The following NANOS1 variants were observed in gnomAD, a reference collection of about 807,000 sequenced individuals.
NANOS1 encodes the protein nanos homolog 1.
A neutral mutation model predicts 1.1 loss-of-function variants in NANOS1; 1 was observed. The ratio of observed to expected loss-of-function variants is 0.88; its 90% CI spans 0.31 to 4.20. NANOS1 has a LOEUF of 4.20. Among genes scored for constraint, NANOS1 ranks in the 30% most tolerant of loss-of-function variants. NANOS1 has a pLI of 0.17. For missense variants in NANOS1, 537 were observed against 457.9 expected, an observed-to-expected ratio of 1.17 and a Z score of -1.58; for synonymous variants, 252 against 230.6, an observed-to-expected ratio of 1.09 and a Z score of -0.84.
rs1848016036 is a variant in NANOS1 at position 119,029,968 on chromosome 10, C to A, written c.167C>A (p.Ala56Glu). The A allele has an allele frequency of 2.1e-6, 3 of 1,419,194 alleles. No homozygotes were observed. The highest frequency in any genetic ancestry group is 3.0e-5 in the African/African-American group (2 of 67,272). The allele number at this position is 1,419,194 out of a possible 1,614,324, so 87.9% of individuals were successfully genotyped here. The change falls in exon 1 of 1, where the codon GCG (alanine) becomes GAG (glutamate). Residue 56 changes from alanine to glutamate, a missense_variant. Physicochemically the swap from Ala to Glu is moderately radical, Grantham distance 107 (BLOSUM62 -1). Transcript: ENST00000425699. ...YLGLATLITK[A>E]VDGEPRFGCA... ...GGGCTCGCCACGCTCATCACCAAAG[C>A]GGTGGACGGCGAGCCGCGCTTCGGC...
At position 119,031,024 on chromosome 10, in the gene NANOS1, C is replaced by G. The variant is rs954518128; in HGVS notation, c.*344C>G. The G allele has an allele frequency of 1.2e-4, 30 of 244,100 alleles. No individual in the cohort carries two copies. The highest frequency in any genetic ancestry group is 6.3e-4 in the African/African-American group (28 of 44,098). 15.1% of individuals were successfully genotyped at this position (244,100 alleles called of 1,614,324 possible). ...TAGATGCGCATCAGTATGAAATTGTCTCAATCTTGGATGTTTCATTTTATG... is the reference window on the plus strand; with the variant it reads ...TAGATGCGCATCAGTATGAAATTGTGTCAATCTTGGATGTTTCATTTTATG... On this transcript the variant is annotated 3_prime_UTR_variant, in exon 1 of 1. Coordinates refer to ENST00000425699, the MANE Select transcript of NANOS1 (RefSeq NM_199461.4).
rs1178858342 is a variant in NANOS1, at chr10:119,030,000, C to G, written c.199C>G (p.Arg67Gly). The stretch of plus-strand genomic sequence containing the variant: ...CGGCGAGCCGCGCTTCGGCTGCGCC[C>G]GCGGTGGGAACGGCGGCGGCGGCTC... The part of the protein sequence containing the change: ...VDGEPRFGCA[R>G]GGNGGGGSPP... Residue 67 changes from arginine (R) to glycine (G), a missense_variant, in exon 1 of 1, where the codon CGC (arginine) becomes GGC (glycine). Coordinates refer to ENST00000425699, the MANE Select transcript of NANOS1 (RefSeq NM_199461.4). 2.1e-6 allele frequency: 3 copies of G among 1,414,072 alleles called. No individual in the cohort carries two copies. The highest frequency in any genetic ancestry group is 2.8e-6 in the Non-Finnish European group (3 of 1,084,502). The allele number at this position is 1,414,072 out of a possible 1,614,324, so 87.6% of individuals were successfully genotyped here.
Position 119,032,235 on chromosome 10 carries a change from C to A in NANOS1, c.*1555C>A, listed in dbSNP as rs930680367. 1 of 166,634 alleles carries A rather than the reference C, an allele frequency of 6.0e-6. No individual in the cohort carries two copies. Among genetic ancestry groups the A allele is most frequent in the Non-Finnish European group, 1.5e-5 (1 of 68,012 alleles). 10.3% of individuals were successfully genotyped at this position (166,634 alleles called of 1,614,324 possible). A position where few individuals can be genotyped will look rare whatever the true frequency, so the allele number is the denominator to read the frequency against. ...CACAGCAAATTGACTCAATCAGGAACCTTCATTTGAAGGTGTGTTAGAGGA... is the reference window on the plus strand; with the variant it reads ...CACAGCAAATTGACTCAATCAGGAAACTTCATTTGAAGGTGTGTTAGAGGA... On this transcript the variant is annotated 3_prime_UTR_variant, in exon 1 of 1. Transcript: ENST00000425699.
In NANOS1 at chr10:119,033,511, C is replaced by A. The variant is rs1013587126; in HGVS notation, c.*2831C>A. On this transcript the variant is annotated 3_prime_UTR_variant, in exon 1 of 1. Coordinates refer to ENST00000425699, the MANE Select transcript of NANOS1 (RefSeq NM_199461.4). Reference sequence around the variant, plus strand: ...GTAGCAAAACAATACAGGGAAGAGTCAAAAGGGCTTCTCCAACTGTAGAGG... The same window carrying A: ...GTAGCAAAACAATACAGGGAAGAGTAAAAAGGGCTTCTCCAACTGTAGAGG... 3 of 167,062 alleles carry A rather than the reference C, an allele frequency of 1.8e-5. No individual in the cohort carries two copies. Among genetic ancestry groups the A allele is most frequent in the Non-Finnish European group, 2.9e-5 (2 of 68,118 alleles). The allele number at this position is 167,062 out of a possible 1,614,324, so 10.3% of individuals were successfully genotyped here.
rs745802261 is a variant in NANOS1, at chr10:119,030,544, C to T, written c.743C>T (p.Thr248Met). 3 of 1,529,628 alleles carry T rather than the reference C, an allele frequency of 2.0e-6. No individual in the cohort carries two copies. The highest frequency in any genetic ancestry group is 1.4e-5 in the African/African-American group (1 of 70,310). 94.8% of individuals were successfully genotyped at this position (1,529,628 alleles called of 1,614,324 possible). A position where few individuals can be genotyped will look rare whatever the true frequency, so the allele number is the denominator to read the frequency against. ...RVLCPVLRRYTCPLCGASGDN... is the reference protein window; with the variant it reads ...RVLCPVLRRYMCPLCGASGDN... Reference sequence around the variant, plus strand: ...CTGTGTCCCGTGCTGCGCCGCTACACGTGTCCCCTGTGCGGCGCCAGCGGC... The same window carrying T: ...CTGTGTCCCGTGCTGCGCCGCTACATGTGTCCCCTGTGCGGCGCCAGCGGC... The change falls in exon 1 of 1, where the codon ACG (threonine) becomes ATG (methionine). Residue 248 changes from threonine to methionine, a missense_variant. Thr to Met is a moderately conservative substitution (Grantham distance 81). Transcript: ENST00000425699. The surrounding 1 kb of genome is among the most constrained non-coding windows in gnomAD (Gnocchi z 5.3).
Position 119,030,056 on chromosome 10 carries a change from C to T in NANOS1, c.255C>T (p.Cys85=). ...CCTCCTCCTCCTCGTCGTCCTGCTG[C>T]TCCCCCCACACGGGGGCCGGGCCTG... ...SPPSSSSSSC[C]SPHTGAGPGA... Residue 85 remains cysteine, a synonymous_variant, in exon 1 of 1, where the codon TGC becomes TGT. Coordinates refer to ENST00000425699, the MANE Select transcript of NANOS1 (RefSeq NM_199461.4). This position sits in a 1 kb window ranked among gnomAD's most constrained non-coding sequence, Gnocchi z 5.3. The T allele has an allele frequency of 3.0e-6, 4 of 1,344,188 alleles. No homozygotes were observed. Among genetic ancestry groups the T allele is most frequent in the Non-Finnish European group, 3.8e-6 (4 of 1,049,262 alleles). The allele number at this position is 1,344,188 out of a possible 1,614,324, so 83.3% of individuals were successfully genotyped here.
In NANOS1 at chr10:119,033,319, T is replaced by TA. The variant is rs1261273571; in HGVS notation, c.*2640dup. ...TATAGTTAATTTTCTAGGGTTCTCT[T>TA]ATGAAAAGTATATGTAAACACATTC... is the stretch of plus-strand genomic sequence containing the variant. On this transcript the variant is annotated 3_prime_UTR_variant, in exon 1 of 1. Transcript: ENST00000425699. 1.2e-5 allele frequency: 2 copies of TA among 167,122 alleles called. No individual in the cohort carries two copies. Among genetic ancestry groups the TA allele is most frequent in the African/African-American group, 4.8e-5 (2 of 41,466 alleles). 10.4% of individuals were successfully genotyped at this position (167,122 alleles called of 1,614,324 possible). A position where few individuals can be genotyped will look rare whatever the true frequency, so the allele number is the denominator to read the frequency against.
In NANOS1 at chr10:119,030,036, T is replaced by C. The variant is rs79170274; in HGVS notation, c.235T>C (p.Ser79Pro). 7.3e-7 allele frequency: 1 copy of C among 1,374,922 alleles called. No individual in the cohort carries two copies. The highest frequency in any genetic ancestry group is 3.0e-5 in the Admixed American group (1 of 33,258). 85.2% of individuals were successfully genotyped at this position (1,374,922 alleles called of 1,614,324 possible). Residue 79 changes from serine to proline, a missense_variant, in exon 1 of 1, where the codon TCC becomes CCC. Coordinates refer to ENST00000425699, the MANE Select transcript of NANOS1 (RefSeq NM_199461.4). This position sits in a 1 kb window ranked among gnomAD's most constrained non-coding sequence, Gnocchi z 5.3. The stretch of plus-strand genomic sequence containing the variant: ...CGGCGGCGGCGGCTCCCCGCCCTCC[T>C]CCTCCTCGTCGTCCTGCTGCTCCCC... ...GNGGGGSPPS[S>P]SSSSCCSPHT...
chr10:119,030,770 C>T lies in NANOS1; in HGVS notation c.*90C>T. ...CTCGCCCCCGCCGTGGGGAGGCGTG[C>T]GGCTCAGCGGTCGGCTCGACATGGG... is the stretch of plus-strand genomic sequence containing the variant. On this transcript the variant is annotated 3_prime_UTR_variant, in exon 1 of 1. Transcript: ENST00000425699. This position sits in a 1 kb window ranked among gnomAD's most constrained non-coding sequence, Gnocchi z 5.3. 2 of 1,236,738 alleles carry T rather than the reference C, an allele frequency of 1.6e-6. No homozygotes were observed. Among genetic ancestry groups the T allele is most frequent in the Non-Finnish European group, 2.0e-6 (2 of 983,934 alleles). 76.6% of individuals were successfully genotyped at this position (1,236,738 alleles called of 1,614,324 possible). A position where few individuals can be genotyped will look rare whatever the true frequency, so the allele number is the denominator to read the frequency against.
rs924401972 is a variant in NANOS1 at position 119,029,973 on chromosome 10, G to A, written c.172G>A (p.Asp58Asn). Residue 58 changes from aspartate to asparagine, a missense_variant, in exon 1 of 1, where the codon GAC (aspartate) becomes AAC (asparagine). Physicochemically the swap from Asp to Asn is conservative, Grantham distance 23. Coordinates refer to ENST00000425699, the MANE Select transcript of NANOS1 (RefSeq NM_199461.4). ...CGCCACGCTCATCACCAAAGCGGTGGACGGCGAGCCGCGCTTCGGCTGCGC... is the reference window on the plus strand; with the variant it reads ...CGCCACGCTCATCACCAAAGCGGTGAACGGCGAGCCGCGCTTCGGCTGCGC... ...GLATLITKAVDGEPRFGCARG... is the reference protein window; with the variant it reads ...GLATLITKAVNGEPRFGCARG... 4 of 1,417,472 alleles carry A rather than the reference G, an allele frequency of 2.8e-6. No individual in the cohort carries two copies. Among genetic ancestry groups the A allele is most frequent in the African/African-American group, 3.0e-5 (2 of 67,312 alleles). The allele number at this position is 1,417,472 out of a possible 1,614,324, so 87.8% of individuals were successfully genotyped here.
rs1190531757 is a variant in NANOS1 at position 119,032,945 on chromosome 10, G to C, written c.*2265G>C. 6.0e-6 allele frequency: 1 copy of C among 167,158 alleles called. No homozygotes were observed. Among genetic ancestry groups the C allele is most frequent in the Non-Finnish European group, 1.5e-5 (1 of 68,206 alleles). 10.4% of individuals were successfully genotyped at this position (167,158 alleles called of 1,614,324 possible). Reference sequence around the variant, plus strand: ...AGGCCGGGTGTGGTGGCTCATGCCTGTAATCCCAGCACTTTGGGAGGCGAG... The same window carrying C: ...AGGCCGGGTGTGGTGGCTCATGCCTCTAATCCCAGCACTTTGGGAGGCGAG... On this transcript the variant is annotated 3_prime_UTR_variant, in exon 1 of 1. Transcript: ENST00000425699.
chr10:119,029,737 G>T lies in NANOS1; in HGVS notation c.-65G>T. 1 of 892,946 alleles carries T rather than the reference G, an allele frequency of 1.1e-6. No individual in the cohort carries two copies. The allele number at this position is 892,946 out of a possible 1,614,324, so 55.3% of individuals were successfully genotyped here. A position where few individuals can be genotyped will look rare whatever the true frequency, so the allele number is the denominator to read the frequency against. ...CCGCGGCAGGCCGGCGGGCAGGCTC[G>T]GCGTGTCCCTTCCGTCCGGCCCGCG... On this transcript the variant is annotated 5_prime_UTR_variant, in exon 1 of 1. Transcript: ENST00000425699.
At position 119,031,986 on chromosome 10, in the gene NANOS1, T is replaced by C. The variant is rs1159509438; in HGVS notation, c.*1306T>C. Reference sequence around the variant, plus strand: ...TTACCCTCCCACCCTCACTTTTAAATCCACCATACTGAATGCCACACTATG... The same window carrying C: ...TTACCCTCCCACCCTCACTTTTAAACCCACCATACTGAATGCCACACTATG... On this transcript the variant is annotated 3_prime_UTR_variant, in exon 1 of 1. Transcript: ENST00000425699. 1 of 167,010 alleles carries C rather than the reference T, an allele frequency of 6.0e-6. No homozygotes were observed. Among genetic ancestry groups the C allele is most frequent in the Non-Finnish European group, 1.5e-5 (1 of 68,120 alleles). 10.3% of individuals were successfully genotyped at this position (167,010 alleles called of 1,614,324 possible).
Position 119,030,833 on chromosome 10 carries a change from G to T in NANOS1, c.*153G>T, listed in dbSNP as rs757154450. On this transcript the variant is annotated 3_prime_UTR_variant, in exon 1 of 1. Transcript: ENST00000425699. The surrounding 1 kb of genome is among the most constrained non-coding windows in gnomAD (Gnocchi z 5.3). ...TGGTTTTTGAAAAGCAGCCGACCGTGTGGAGTACTTCCGTGCTGAACGATT... is the reference window on the plus strand; with the variant it reads ...TGGTTTTTGAAAAGCAGCCGACCGTTTGGAGTACTTCCGTGCTGAACGATT... The T allele has an allele frequency of 2.8e-6, 3 of 1,066,512 alleles. No homozygotes were observed. Among genetic ancestry groups the T allele is most frequent in the East Asian group, 3.6e-5 (1 of 27,818 alleles). 66.1% of individuals were successfully genotyped at this position (1,066,512 alleles called of 1,614,324 possible). A position where few individuals can be genotyped will look rare whatever the true frequency, so the allele number is the denominator to read the frequency against.
In NANOS1 at chr10:119,030,041, C is replaced by T. The variant is rs1280648109; in HGVS notation, c.240C>T (p.Ser80=). The T allele has an allele frequency of 1.2e-5, 16 of 1,359,058 alleles. No homozygotes were observed. The highest frequency in any genetic ancestry group is 4.5e-5 in the African/African-American group (3 of 66,152). 84.2% of individuals were successfully genotyped at this position (1,359,058 alleles called of 1,614,324 possible). ...NGGGGSPPSS[S]SSSCCSPHTG... is the part of the protein sequence containing the mutation. ...GCGGCGGCTCCCCGCCCTCCTCCTC[C>T]TCGTCGTCCTGCTGCTCCCCCCACA... Residue 80 remains serine, a synonymous_variant, in exon 1 of 1, where the codon TCC becomes TCT. Transcript: ENST00000425699. This position sits in a 1 kb window ranked among gnomAD's most constrained non-coding sequence, Gnocchi z 5.3.
chr10:119,030,573 A>G lies in NANOS1; in HGVS notation c.772A>G (p.Asn258Asp). Residue 258 changes from asparagine (N) to aspartate (D), a missense_variant, in exon 1 of 1, where the codon AAC becomes GAC. By Grantham distance (23) the Asn-to-Asp change is conservative. Coordinates refer to ENST00000425699, the MANE Select transcript of NANOS1 (RefSeq NM_199461.4). This position sits in a 1 kb window ranked among gnomAD's most constrained non-coding sequence, Gnocchi z 5.3. ...TCCCCTGTGCGGCGCCAGCGGCGAC[A>G]ACGCGCACACCATCAAGTACTGCCC... is the stretch of plus-strand genomic sequence containing the variant. ...TCPLCGASGD[N>D]AHTIKYCPLS... 1.3e-6 allele frequency: 2 copies of G among 1,528,654 alleles called. No homozygotes were observed. Among genetic ancestry groups the G allele is most frequent in the Non-Finnish European group, 1.8e-6 (2 of 1,142,680 alleles). The allele number at this position is 1,528,654 out of a possible 1,614,324, so 94.7% of individuals were successfully genotyped here.
In NANOS1 at chr10:119,032,125, T is replaced by G. The variant is rs968899492; in HGVS notation, c.*1445T>G. ...CTATCTGAAGATACCAGCAAGAGTTTAGTCTACGTGTATAAGGCTCCCAGT... is the reference window on the plus strand; with the variant it reads ...CTATCTGAAGATACCAGCAAGAGTTGAGTCTACGTGTATAAGGCTCCCAGT... On this transcript the variant is annotated 3_prime_UTR_variant, in exon 1 of 1. Coordinates refer to ENST00000425699, the MANE Select transcript of NANOS1 (RefSeq NM_199461.4). The G allele has an allele frequency of 6.0e-6, 1 of 167,114 alleles. No homozygotes were observed. The highest frequency in any genetic ancestry group is 2.4e-5 in the African/African-American group (1 of 41,472). 10.4% of individuals were successfully genotyped at this position (167,114 alleles called of 1,614,324 possible).
chr10:119,030,570 G>T lies in NANOS1; in HGVS notation c.769G>T (p.Asp257Tyr). The change falls in exon 1 of 1, where the codon GAC (aspartate) becomes TAC (tyrosine). Residue 257 changes from aspartate (D) to tyrosine (Y), a missense_variant. Transcript: ENST00000425699. The surrounding 1 kb of genome is among the most constrained non-coding windows in gnomAD (Gnocchi z 5.3). ...YTCPLCGASG[D>Y]NAHTIKYCPL... ...GTGTCCCCTGTGCGGCGCCAGCGGC[G>T]ACAACGCGCACACCATCAAGTACTG... 1 of 1,529,144 alleles carries T rather than the reference G, an allele frequency of 6.5e-7. No individual in the cohort carries two copies. The highest frequency in any genetic ancestry group is 2.7e-5 in the East Asian group (1 of 37,608). 94.7% of individuals were successfully genotyped at this position (1,529,144 alleles called of 1,614,324 possible).
In NANOS1 at chr10:119,033,179, G is replaced by A. The variant is rs747442972; in HGVS notation, c.*2499G>A. On this transcript the variant is annotated 3_prime_UTR_variant, in exon 1 of 1. Coordinates refer to ENST00000425699, the MANE Select transcript of NANOS1 (RefSeq NM_199461.4). ...CCACTGCACTCCAGCCTGAGCAACA[G>A]AGCGACTCTGTCTCCAAAAAAGAAA... is the stretch of plus-strand genomic sequence containing the variant. 7.2e-5 allele frequency: 12 copies of A among 167,024 alleles called. No individual in the cohort carries two copies. Among genetic ancestry groups the A allele is most frequent in the Admixed American group, 1.3e-4 (2 of 15,282 alleles). 10.3% of individuals were successfully genotyped at this position (167,024 alleles called of 1,614,324 possible).
Sources: gnomAD v4.1 joint callset for allele counts on GRCh38, gnomAD v4.1.1 for gene constraint, Gnocchi (gnomAD v3.1) non-coding constraint, MANE v1.5 for transcripts, NCBI Gene and HGNC (gene_info 2026-07-23, HGNC 2026-07-21) for gene names.